PDXDC1: variants seen among roughly 807,000 people sequenced by gnomAD.
PDXDC1 encodes pyridoxal dependent decarboxylase domain containing 1, also known as pyridoxal-dependent decarboxylase domain-containing protein 1.
PDXDC1 carries 42 observed loss-of-function variants against 100.1 expected under a neutral mutation model. The observed-to-expected ratio is 0.42, with a 90% CI of 0.33 to 0.54. The LOEUF is 0.54. PDXDC1 is among the 20% of genes least tolerant of loss of function. The probability of loss-of-function intolerance (pLI) is 0.10; values close to 1 mark genes in which losing one functional copy is unlikely to be tolerated. For missense variants in PDXDC1, 636 were observed against 979.2 expected, an observed-to-expected ratio of 0.65 and a Z score of 4.68; for synonymous variants, 260 against 371.7, an observed-to-expected ratio of 0.70 and a Z score of 3.46.
chr16:14,991,714 G>A (rs548838705), intron 1 of PDXDC1, among the ~76,000 whole-genome samples: 42 of 152,272 alleles, frequency 2.8e-4, no homozygotes, highest in Middle Eastern at 6.8e-3. Context: ...TAGAGACGAG[G>A]TTTTGCCATG....
chr16:15,000,462 A>C (rs1389628719), intron 3 of PDXDC1, among the ~76,000 whole-genome samples: 1 of 152,286 alleles, frequency 6.6e-6, no homozygotes, highest in Admixed American at 6.5e-5. Context: ...AGCCCCTCTC[A>C]CTTGAAGGGC....
In PDXDC1 at chr16:15,029,883, T is replaced by C. The variant is rs561409163; in HGVS notation, c.1294-68T>C. On this transcript the variant is annotated intron_variant, in intron 15 of 22. Transcript: ENST00000396410. ...GCTCTTTGGTCTGGGGCCGAGGGGATGAGGGTGGGTCCTGAAGACGTCTGA... is the reference window on the plus strand; with the variant it reads ...GCTCTTTGGTCTGGGGCCGAGGGGACGAGGGTGGGTCCTGAAGACGTCTGA... 28 of 1,423,722 alleles carry C rather than the reference T, an allele frequency of 2.0e-5. No individual in the cohort carries two copies. In the South Asian group the frequency reaches 3.0e-4, roughly 15 times the overall value. 88.2% of individuals were successfully genotyped at this position (1,423,722 alleles called of 1,614,324 possible). A position where few individuals can be genotyped will look rare whatever the true frequency, so the allele number is the denominator to read the frequency against.
intron 1 of PDXDC1, chr16:14,989,304 A>G: frequency 6.2e-7 from 1 of 1,613,298 alleles, no homozygotes; most frequent in African/African-American, 1.3e-5. Flanking sequence ...CACCACCCAC[A>G]GCACCGTCTC....
chr16:15,083,209 G>T (rs1371757570), intron 16 of PDXDC1, among the ~76,000 whole-genome samples: 2 of 152,144 alleles, frequency 1.3e-5, no homozygotes, highest in African/African-American at 4.8e-5. Context: ...TACCAGTGTG[G>T]CCAATATGGT....
At chr16:15,007,157 CTTTTTTTTT>C (rs56256230) in intron 6 of PDXDC1, among the ~76,000 whole-genome samples, 31 of 73,944 alleles carry the variant, frequency 4.2e-4, no homozygotes, top group African/African-American at 1.6e-3. Flanking sequence ...AAGAGCATGA[CTTTTTTTTT>C]TTTTTTTTTT....
intron 16 of PDXDC1, chr16:15,047,582 T>G: frequency 6.8e-7 from 1 of 1,474,830 alleles, no homozygotes; most frequent in Non-Finnish European, 9.5e-7. Context: ...ACTCAAGTTA[T>G]TCCCTGATGC....
At chr16:15,048,010 G>C in intron 16 of PDXDC1, 1 of 1,611,614 alleles carries the variant, frequency 6.2e-7, no homozygotes, top group Non-Finnish European at 8.5e-7. Context: ...CCTTTGGGGA[G>C]GTCACTGCAA....
chr16:15,035,951 A>C (rs2043414714), intron 22 of PDXDC1, 65 bp from the exon 23 acceptor site: 1 of 1,486,662 alleles, frequency 6.7e-7, no homozygotes, highest in Non-Finnish European at 9.1e-7. Context: ...TCTGTTGCAG[A>C]GACAGCCTGT....
At chr16:14,981,704 A>G (rs1473973951) in intron 1 of PDXDC1, among the ~76,000 whole-genome samples, 35 of 152,300 alleles carry the variant, frequency 2.3e-4, no homozygotes, top group Non-Finnish European at 2.9e-4. Context: ...TCTCCAACGT[A>G]TATCTGAGTC....
At position 15,034,516 on chromosome 16, in the gene PDXDC1, G is replaced by C. The variant is rs746109447; in HGVS notation, c.1965G>C (p.Gln655His). The change falls in exon 21 of 23, where the codon CAG (glutamine) becomes CAC (histidine). Residue 655 changes from glutamine to histidine, a missense_variant. This residue lies in a region of PDXDC1 where 452 missense variants were observed against 402.9 expected (regional missense o/e 1.12). Transcript: ENST00000396410. ...TGCTGAATTGGTTTTCTCCGGTCCA[G>C]GCTTTACAGAAGGGAAGAACTTTTA... is the stretch of plus-strand genomic sequence containing the variant. ...GSVLNWFSPV[Q>H]ALQKGRTFNL... The C allele has an allele frequency of 6.2e-6, 10 of 1,614,124 alleles. No homozygotes were observed. Among genetic ancestry groups the C allele is most frequent in the Admixed American group, 1.7e-5 (1 of 60,034 alleles).
At chr16:15,014,829 A>G (rs1441926577) in intron 8 of PDXDC1, among the ~76,000 whole-genome samples, 7 of 152,396 alleles carry the variant, frequency 4.6e-5, no homozygotes, top group South Asian at 2.1e-4. Context: ...AGTGCAATCA[A>G]TTACCAAGGG....
chr16:15,098,787 AGAATCACTTGAACCTGGGAG>A (rs1212680924), intron 16 of PDXDC1, among the ~76,000 whole-genome samples: 119 of 151,820 alleles, frequency 7.8e-4, no homozygotes, highest in Non-Finnish European at 3.2e-4. Context: ...CTGAGGCAGG[AGAATCACTTGAACCTGGGAG>A]GCAGAGGTTG....
intron 16 of PDXDC1, among the ~76,000 whole-genome samples, chr16:15,063,800 C>T (rs1306110503): frequency 1.3e-5 from 2 of 151,762 alleles, no homozygotes; most frequent in African/African-American, 4.8e-5. Context: ...AGAGTTCATT[C>T]ACTCATGTCG....
intron 16 of PDXDC1, chr16:15,133,779 G>A: frequency 6.3e-7 from 1 of 1,589,002 alleles, no homozygotes; most frequent in African/African-American, 1.3e-5. Context: ...CTCCCCCTAA[G>A]CAGGCCTGTA....
At chr16:15,069,183 A>C (rs2045113292) in intron 16 of PDXDC1, among the ~76,000 whole-genome samples, 1 of 152,190 alleles carries the variant, frequency 6.6e-6, no homozygotes. Context: ...CGCAGAGGAC[A>C]CCTGGCAGTA....
At chr16:15,007,054 A>G (rs2040835698) in intron 6 of PDXDC1, among the ~76,000 whole-genome samples, 1 of 152,046 alleles carries the variant, frequency 6.6e-6, no homozygotes. Context: ...AGTGCTGTTA[A>G]GGACTTCTCT....
At chr16:15,076,069 G>A (rs1387691076) in intron 16 of PDXDC1, among the ~76,000 whole-genome samples, 1 of 151,992 alleles carries the variant, frequency 6.6e-6, no homozygotes, top group East Asian at 1.9e-4. Context: ...AGGCTGTAGC[G>A]ACCTCCCAAG....
chr16:15,012,604 G>A (rs1383618050), intron 8 of PDXDC1, among the ~76,000 whole-genome samples: 1 of 152,302 alleles, frequency 6.6e-6, no homozygotes, highest in African/African-American at 2.4e-5. Context: ...CAACACTTGG[G>A]AAGGCTGAGA....
chr16:15,127,452 T>TCCCCAG (rs1567297236), intron 16 of PDXDC1: 3 of 1,545,848 alleles, frequency 1.9e-6, no homozygotes, highest in African/African-American at 2.7e-5. Context: ...TACTCCCCGG[T>TCCCCAG]CCCCAGCCCC....
Sources: gnomAD v4.1 joint callset for allele counts (sites outside exome capture counted in the v4.1 genomes callset) on GRCh38, gnomAD v4.1.1 for gene constraint, gnomAD v4.1.1 regional missense constraint, MANE v1.5 for transcripts, NCBI Gene and HGNC (gene_info 2026-07-23, HGNC 2026-07-21) for gene names.